Variants in KNDC1 observed in about 807,000 individuals in gnomAD.
KNDC1 encodes the protein kinase non-catalytic C-lobe domain-containing protein 1.
KNDC1 carries 106 observed loss-of-function variants against 172.8 expected under a neutral mutation model. That is an observed-to-expected ratio of 0.61 (90% CI 0.52 to 0.72). The LOEUF is 0.72. Among genes scored for constraint, KNDC1 ranks in the 30% least tolerant of loss-of-function variants. KNDC1 has a pLI of 0.00. For synonymous variants in KNDC1, 1,083 were observed against 1,062.2 expected, an observed-to-expected ratio of 1.02 and a Z score of -0.38; for missense variants, 2,325 against 2,394.5, an observed-to-expected ratio of 0.97 and a Z score of 0.61.
At chr10:133,161,256 G>T (rs1160832885) in intron 1 of KNDC1, among the ~76,000 whole-genome samples, 1 of 152,118 alleles carries the variant, frequency 6.6e-6, no homozygotes, top group East Asian at 1.9e-4. Context: ...ATGAGAGGTG[G>T]CCCCCAGGGG....
chr10:133,189,182 G>A (rs958972382), intron 7 of KNDC1, among the ~76,000 whole-genome samples: 24 of 152,182 alleles, frequency 1.6e-4, no homozygotes, highest in African/African-American at 4.8e-4. Flanking sequence ...GGTGATGAGG[G>A]CAGCATCTGA....
At chr10:133,190,493 AG>A (rs1261038489) in intron 9 of KNDC1, among the ~76,000 whole-genome samples, 1 of 152,226 alleles carries the variant, frequency 6.6e-6, no homozygotes, top group Non-Finnish European at 1.5e-5. Flanking sequence ...GCAGCCGGCG[AG>A]GGGCCTCTGG....
In KNDC1 at chr10:133,168,268, GCCTTCGTTCCCCC is replaced by G; in HGVS notation, c.318_330del (p.Phe107SerfsTer4). 1 of 1,614,160 alleles carries G rather than the reference GCCTTCGTTCCCCC, an allele frequency of 6.2e-7. No homozygotes were observed. Among genetic ancestry groups the G allele is most frequent in the Non-Finnish European group, 8.5e-7 (1 of 1,180,016 alleles). On this transcript the variant is annotated frameshift_variant, in exon 3 of 30. Transcript: ENST00000304613. LOFTEE classifies it high-confidence loss of function. The stretch of plus-strand genomic sequence containing the variant: ...TCCTCCCCAAGACGACCCTGAGGGT[GCCTTCGTTCCCCC>G]CGAGTTCGACGTGACCGGGAACACC...
chr10:133,214,564 C>T (rs1193226779), intron 26 of KNDC1, among the ~76,000 whole-genome samples: 1 of 152,218 alleles, frequency 6.6e-6, no homozygotes, highest in Non-Finnish European at 1.5e-5. Context: ...GGCTCCGCCA[C>T]ACACCCCACT....
At chr10:133,211,183 GC>G (rs892380304) in intron 21 of KNDC1, among the ~76,000 whole-genome samples, 3 of 151,810 alleles carry the variant, frequency 2.0e-5, no homozygotes, top group African/African-American at 2.4e-5. Context: ...CTGATCTGCT[GC>G]CCCCCCAGGA....
chr10:133,207,187 C>T lies in KNDC1; in HGVS notation c.3630C>T (p.Ile1210=), dbSNP rs953458756. 16 of 1,609,778 alleles carry T rather than the reference C, an allele frequency of 9.9e-6. No homozygotes were observed. Among genetic ancestry groups the T allele is most frequent in the Middle Eastern group, 1.7e-4 (1 of 6,050 alleles). ...TGGAGCCCTGCACCCTCCCAGTGATCGTGAACATCGCGGCCGCACCCTGCG... is the reference window on the plus strand; with the variant it reads ...TGGAGCCCTGCACCCTCCCAGTGATTGTGAACATCGCGGCCGCACCCTGCG... ...WGLEPCTLPV[I]VNIAAAPCDT... Residue 1210 remains isoleucine (I), a synonymous_variant, in exon 20 of 30, where the codon ATC becomes ATT. Coordinates refer to ENST00000304613, the MANE Select transcript of KNDC1 (RefSeq NM_152643.8).
At chr10:133,213,059 T>C (rs1483891975) in intron 24 of KNDC1, 137 bp downstream of exon 24, 1 of 792,102 alleles carries the variant, frequency 1.3e-6, no homozygotes, top group East Asian at 2.7e-5. Context: ...GGTGCACAGG[T>C]TGGGGGTGGC....
At position 133,213,838 on chromosome 10, in the gene KNDC1, C is replaced by T. The variant is rs180756293; in HGVS notation, c.4526+111C>T. 2.6e-4 allele frequency: 366 copies of T among 1,431,764 alleles called. 5 individuals are homozygous for T. In the East Asian group the frequency reaches 7.4e-3, roughly 29 times the overall value. 88.7% of individuals were successfully genotyped at this position (1,431,764 alleles called of 1,614,324 possible). ...CAGGAGATGCCTGTGTCTCCAGAGACGCGAGAGAGTGGTGTCTGCCAGTTG... is the reference window on the plus strand; with the variant it reads ...CAGGAGATGCCTGTGTCTCCAGAGATGCGAGAGAGTGGTGTCTGCCAGTTG... On this transcript the variant is annotated intron_variant, in intron 25 of 29. Coordinates refer to ENST00000304613, the MANE Select transcript of KNDC1 (RefSeq NM_152643.8).
chr10:133,164,124 TG>T (rs771320164), intron 1 of KNDC1: 1 of 145,140 alleles, frequency 6.9e-6, no homozygotes, highest in Admixed American at 7.2e-5. Context: ...CCACCTGGGT[TG>T]GGGGTGGAGT....
At chr10:133,181,423 A>G (rs1436514433) in intron 3 of KNDC1, among the ~76,000 whole-genome samples, 1 of 152,218 alleles carries the variant, frequency 6.6e-6, no homozygotes, top group African/African-American at 2.4e-5. Flanking sequence ...GTGCAAAGTC[A>G]GAGACAGTGG....
At chr10:133,170,926 A>G (rs1311789797) in intron 3 of KNDC1, among the ~76,000 whole-genome samples, 2 of 151,966 alleles carry the variant, frequency 1.3e-5, no homozygotes, top group African/African-American at 4.8e-5. Context: ...CCGTCTCGGC[A>G]TCATTACAGG....
chr10:133,207,080 C>T, intron 19 of KNDC1, 57 bp from the exon 20 acceptor site: 1 of 1,544,580 alleles, frequency 6.5e-7, no homozygotes, highest in Non-Finnish European at 8.8e-7. Context: ...GGTCCAATGC[C>T]AGGAAGCCCT....
At position 133,170,346 on chromosome 10, in the gene KNDC1, A is replaced by G. The variant is rs1042013518; in HGVS notation, c.360+2034A>G. On this transcript the variant is annotated intron_variant, in intron 3 of 29. Coordinates refer to ENST00000304613, the MANE Select transcript of KNDC1 (RefSeq NM_152643.8). ...GGCTCCTGCAGGACGTGGACGTGGC[A>G]GGGGCCTGGGATCTGGGGTCTGGCC... 5.9e-5 allele frequency among the ~76,000 whole-genome samples: 9 copies of G among 152,212 alleles called. No individual in the cohort carries two copies. In the East Asian group the frequency reaches 1.7e-3, roughly 29 times the overall value.
rs138979270 is a variant in KNDC1 at position 133,183,412 on chromosome 10, A to T, written c.429A>T (p.Glu143Asp). 1.6e-4 allele frequency: 253 copies of T among 1,603,920 alleles called. No individual in the cohort carries two copies. In the African/African-American group the frequency reaches 3.1e-3, roughly 20 times the overall value. ...AGTACGTGGCAGAGCCCACACTGGAACCCAGGCTGAGCCAAGACCTCGAGG... is the reference window on the plus strand; with the variant it reads ...AGTACGTGGCAGAGCCCACACTGGATCCCAGGCTGAGCCAAGACCTCGAGG... Reference protein sequence around the residue: ...ALEYVAEPTLEPRLSQDLEAL... With the variant: ...ALEYVAEPTLDPRLSQDLEAL... The change falls in exon 4 of 30, where the codon GAA becomes GAT. Residue 143 changes from glutamate (E) to aspartate (D), a missense_variant. Physicochemically the swap from Glu to Asp is conservative, Grantham distance 45. Transcript: ENST00000304613.
At chr10:133,215,487 G>A (rs1364232481) in intron 26 of KNDC1, among the ~76,000 whole-genome samples, 1 of 152,254 alleles carries the variant, frequency 6.6e-6, no homozygotes, top group Non-Finnish European at 1.5e-5. Flanking sequence ...GCCAGCACGG[G>A]GCGTGGGAAC....
At chr10:133,185,284 A>G (rs1212979513) in intron 5 of KNDC1, among the ~76,000 whole-genome samples, 402 of 76,842 alleles carry the variant, frequency 5.2e-3, no homozygotes, top group Middle Eastern at 8.9e-3. Context: ...GCAGTGTGGA[A>G]TAGGCAGTGT....
chr10:133,202,701 T>C lies in KNDC1; in HGVS notation c.3387+803T>C, dbSNP rs770459586. ...TCCTGCCGCCTCCTGGCCTGCACTT[T>C]ATGACTCAGTCCAGAACATGACCCG... On this transcript the variant is annotated intron_variant, in intron 17 of 29. Transcript: ENST00000304613. 2.8e-5 allele frequency: 13 copies of C among 456,496 alleles called. 1 individual carries two copies. The highest frequency in any genetic ancestry group is 1.9e-4 in the South Asian group (12 of 64,552). The allele number at this position is 456,496 out of a possible 1,614,324, so 28.3% of individuals were successfully genotyped here. A position where few individuals can be genotyped will look rare whatever the true frequency, so the allele number is the denominator to read the frequency against.
rs549812525 is a variant in KNDC1 at position 133,220,186 on chromosome 10, G to T, written c.5018+74G>T. ...GCGGGCGCGCGCCCAGGAGAGGAGG[G>T]GCTCAGGCGGCCGCGCGCCCAGGAG... On this transcript the variant is annotated intron_variant, in intron 29 of 29. Transcript: ENST00000304613. 9.0e-4 allele frequency: 1,080 copies of T among 1,197,992 alleles called. 7 individuals are homozygous for T. In the African/African-American group the frequency reaches 0.017, roughly 18 times the overall value. The allele number at this position is 1,197,992 out of a possible 1,614,324, so 74.2% of individuals were successfully genotyped here.
At chr10:133,189,330 G>A (rs544574834) in intron 7 of KNDC1, among the ~76,000 whole-genome samples, 52 of 152,270 alleles carry the variant, frequency 3.4e-4, no homozygotes, top group South Asian at 2.5e-3. Flanking sequence ...TCTCCCTGCC[G>A]CTTGGCTCCC....
Sources: allele counts gnomAD v4.1 joint callset (sites outside exome capture counted in the v4.1 genomes callset), GRCh38; gene constraint gnomAD v4.1.1; transcripts MANE v1.5; gene names NCBI Gene and HGNC (gene_info 2026-07-23, HGNC 2026-07-21).